Variants in TRAPPC2 observed in about 807,000 individuals in gnomAD.
TRAPPC2 encodes the protein sedlin.
A neutral mutation model predicts 10.0 loss-of-function variants in TRAPPC2; 4 were observed. The observed-to-expected ratio is 0.40, with a 90% CI of 0.20 to 0.92. The LOEUF is 0.92. Ranked by LOEUF, TRAPPC2 falls within the 40% of genes least tolerant of loss-of-function variation. TRAPPC2 has a pLI of 0.35. For missense variants in TRAPPC2, 52 were observed against 108.7 expected (o/e 0.48, Z 2.32); for synonymous variants, 36 against 37.3 (o/e 0.97, Z 0.12).
At chrX:13,722,532 C>T (rs969236714) in intron 2 of TRAPPC2, among the ~76,000 whole-genome samples, 1 of 111,689 alleles carries the variant, frequency 9.0e-6, no homozygotes, top group Non-Finnish European at 1.9e-5. Context: ...GCTTTTCATT[C>T]AGTTCTGCCA....
Position 13,713,058 on chromosome X carries a change from A to G in TRAPPC2, c.*1349T>C, listed in dbSNP as rs1046405564. 1.9e-5 allele frequency: 2 copies of G among 103,356 alleles called. No individual in the cohort carries two copies. The highest frequency in any genetic ancestry group is 7.2e-5 in the African/African-American group (2 of 27,758). 8.5% of individuals were successfully genotyped at this position (103,356 alleles called of 1,213,427 possible). ...AGGAGGCAGAGGTTACGGTGAAACAACTGCCATTGCACTCCAGCCTGGACA... is the reference window on the plus strand; with the variant it reads ...AGGAGGCAGAGGTTACGGTGAAACAGCTGCCATTGCACTCCAGCCTGGACA... On this transcript the variant is annotated 3_prime_UTR_variant, in exon 6 of 6. Coordinates refer to ENST00000380579, the MANE Select transcript of TRAPPC2 (RefSeq NM_001011658.4).
chrX:13,728,339 C>G lies in TRAPPC2; in HGVS notation c.-20+5705G>C, dbSNP rs773744741. On this transcript the variant is annotated intron_variant, in intron 2 of 5. Transcript: ENST00000380579. ...CCAATATCCCCGATGAACATTGATG[C>G]GAAAATCCTCAATAAAATACTGGCA... 8.0e-4 allele frequency among the ~76,000 whole-genome samples: 89 copies of G among 111,744 alleles called. No individual in the cohort carries two copies. The South Asian group carries it at 0.031, about 39-fold the overall frequency.
Position 13,716,564 on chromosome X carries a change from A to G in TRAPPC2, c.208T>C (p.Trp70Arg). 1 of 1,211,445 alleles carries G rather than the reference A, an allele frequency of 8.3e-7. No homozygotes were observed. The highest frequency in any genetic ancestry group is 1.1e-6 in the Non-Finnish European group (1 of 895,352). The change falls in exon 4 of 6, where the codon TGG becomes CGG. Residue 70 changes from tryptophan (W) to arginine (R), a missense_variant. Trp to Arg is a moderately radical substitution (Grantham distance 101, BLOSUM62 -3). Coordinates refer to ENST00000380579, the MANE Select transcript of TRAPPC2 (RefSeq NM_001011658.4). ...YLKTVDKFNEWFVSAFVTAGH... is the reference protein window; with the variant it reads ...YLKTVDKFNERFVSAFVTAGH... ...GCAGTGACAAATGCCGACACAAACC[A>G]CTCGTTGAACTTGTCCACAGTTTTC... is the stretch of plus-strand genomic sequence containing the variant.
Position 13,713,908 on chromosome X carries a change from G to A in TRAPPC2, c.*499C>T, listed in dbSNP as rs1340986607. The A allele has an allele frequency of 9.2e-6, 1 of 108,949 alleles. No homozygotes were observed. Among genetic ancestry groups the A allele is most frequent in the East Asian group, 2.9e-4 (1 of 3,443 alleles). 9.0% of individuals were successfully genotyped at this position (108,949 alleles called of 1,213,427 possible). The stretch of plus-strand genomic sequence containing the variant: ...CGCCTGTAATCCCAGTACTTTGGGA[G>A]GCCAAGGCGGGCAGATCACGAGGTC... On this transcript the variant is annotated 3_prime_UTR_variant, in exon 6 of 6. Coordinates refer to ENST00000380579, the MANE Select transcript of TRAPPC2 (RefSeq NM_001011658.4).
At chrX:13,732,647 G>A (rs760212091) in intron 2 of TRAPPC2, among the ~76,000 whole-genome samples, 6 of 112,832 alleles carry the variant, frequency 5.3e-5, no homozygotes, top group Admixed American at 2.8e-4. Context: ...CCGTTCCATA[G>A]GCCAAGCCCA....
rs145648593 is a variant in TRAPPC2 at position 13,733,477 on chromosome X, C to T, written c.-20+567G>A. Among the ~76,000 whole-genome samples, 725 of 111,958 alleles carry T rather than the reference C, an allele frequency of 6.5e-3. 3 individuals are homozygous for T. Among genetic ancestry groups the T allele is most frequent in the African/African-American group, 0.023 (694 of 30,792 alleles). On this transcript the variant is annotated intron_variant, in intron 2 of 5. Transcript: ENST00000380579. Reference sequence around the variant, plus strand: ...CAACCACTACCCATCCTTTAAAATCCAACTAAGCCTCTCCTCCTTTTCCAT... The same window carrying T: ...CAACCACTACCCATCCTTTAAAATCTAACTAAGCCTCTCCTCCTTTTCCAT...
At chrX:13,734,251 G>C (rs1444065062) in intron 1 of TRAPPC2, 66 bp from the exon 2 acceptor site, 1 of 387,889 alleles carries the variant, frequency 2.6e-6, no homozygotes, top group African/African-American at 2.6e-5. Context: ...CCAAAACAAA[G>C]AATCTTCCGG....
chrX:13,725,247 G>C (rs1292763969), intron 2 of TRAPPC2, among the ~76,000 whole-genome samples: 1 of 112,988 alleles, frequency 8.9e-6, no homozygotes, highest in Non-Finnish European at 1.9e-5. Context: ...GAGAGCAGTG[G>C]CTCCCCCAAC....
At chrX:13,714,956 G>A (rs2046263176) in intron 5 of TRAPPC2, among the ~76,000 whole-genome samples, 1 of 112,168 alleles carries the variant, frequency 8.9e-6, no homozygotes, top group South Asian at 3.7e-4. Context: ...TAAATGATCA[G>A]CTTCTCAAAT....
At chrX:13,726,085 G>A (rs1237963953) in intron 2 of TRAPPC2, among the ~76,000 whole-genome samples, 6 of 112,182 alleles carry the variant, frequency 5.3e-5, no homozygotes, top group Non-Finnish European at 7.5e-5. Flanking sequence ...AACGAACAAA[G>A]CCTCCAAGAA....
chrX:13,730,581 G>T (rs1026249808), intron 2 of TRAPPC2, among the ~76,000 whole-genome samples: 1 of 111,527 alleles, frequency 9.0e-6, no homozygotes, highest in African/African-American at 3.3e-5. Flanking sequence ...ATACCCAAAG[G>T]ATTACAAATC....
intron 2 of TRAPPC2, among the ~76,000 whole-genome samples, chrX:13,728,118 A>G (rs2046593552): frequency 8.9e-6 from 1 of 111,834 alleles, no homozygotes; most frequent in African/African-American, 3.3e-5. Context: ...ATAGCTTACC[A>G]ACCAAAAAAA....
chrX:13,722,302 C>T (rs1333444865), intron 2 of TRAPPC2: 1 of 106,801 alleles, frequency 9.4e-6, no homozygotes, highest in African/African-American at 3.4e-5. Flanking sequence ...CATCCCCACA[C>T]TCACCCCTAT....
rs1281993229 is a variant in TRAPPC2, at chrX:13,734,577, C to T, written c.-214G>A. ...GCAATGTCAGTTTCCGCGGAAGAGACCCGCGCCCCGAACCTGTAGCCAGAA... is the reference window on the plus strand; with the variant it reads ...GCAATGTCAGTTTCCGCGGAAGAGATCCGCGCCCCGAACCTGTAGCCAGAA... On this transcript the variant is annotated 5_prime_UTR_variant, in exon 1 of 6. Transcript: ENST00000380579. 1.2e-5 allele frequency: 7 copies of T among 561,180 alleles called. No individual in the cohort carries two copies. The highest frequency in any genetic ancestry group is 1.6e-5 in the Non-Finnish European group (7 of 437,736). 46.2% of individuals were successfully genotyped at this position (561,180 alleles called of 1,213,427 possible). A position where few individuals can be genotyped will look rare whatever the true frequency, so the allele number is the denominator to read the frequency against.
rs1325848907 is a variant in TRAPPC2, at chrX:13,734,037, G to A, written c.-20+7C>T. The A allele has an allele frequency of 1.4e-5, 7 of 514,859 alleles. No homozygotes were observed. The highest frequency in any genetic ancestry group is 3.1e-4 in the Middle Eastern group (1 of 3,202). The allele number at this position is 514,859 out of a possible 1,213,427, so 42.4% of individuals were successfully genotyped here. A position where few individuals can be genotyped will look rare whatever the true frequency, so the allele number is the denominator to read the frequency against. The stretch of plus-strand genomic sequence containing the variant: ...ATTACATTTAAGCATCATGAGGACT[G>A]GCTCACCTTTACCTCACAGCACACA... On this transcript the variant is annotated splice_region_variant and intron_variant, in intron 2 of 5. Coordinates refer to ENST00000380579, the MANE Select transcript of TRAPPC2 (RefSeq NM_001011658.4).
chrX:13,722,755 G>A (rs140444655), intron 2 of TRAPPC2, among the ~76,000 whole-genome samples: 320 of 112,192 alleles, frequency 2.9e-3, no homozygotes, highest in African/African-American at 9.5e-3. Context: ...ATGTGAGCTA[G>A]TGTGCATTAG....
chrX:13,726,665 A>G (rs1400286261), intron 2 of TRAPPC2, among the ~76,000 whole-genome samples: 2 of 112,119 alleles, frequency 1.8e-5, no homozygotes, highest in African/African-American at 3.2e-5. Context: ...CAAATTGTAA[A>G]AGACCATTGA....
rs950578496 is a variant in TRAPPC2, at chrX:13,734,073, CT to C, written c.-50del. 3.9e-6 allele frequency: 2 copies of C among 513,044 alleles called. No homozygotes were observed. The highest frequency in any genetic ancestry group is 7.0e-6 in the Non-Finnish European group (2 of 286,509). 42.3% of individuals were successfully genotyped at this position (513,044 alleles called of 1,213,427 possible). On this transcript the variant is annotated 5_prime_UTR_variant, in exon 2 of 6. An upstream open reading frame in the 5' UTR gains an earlier in-frame stop. Coordinates refer to ENST00000380579, the MANE Select transcript of TRAPPC2 (RefSeq NM_001011658.4). The stretch of plus-strand genomic sequence containing the variant: ...ACCTCACAGCACACAATGGTTGGTA[CT>C]CTAAAACGTTTAGCTCTGTGGATCT...
intron 5 of TRAPPC2, among the ~76,000 whole-genome samples, chrX:13,714,860 T>C (rs2046261945): frequency 8.9e-6 from 1 of 112,260 alleles, no homozygotes; most frequent in Admixed American, 9.4e-5. Flanking sequence ...AAATCTGCCA[T>C]GTGCTCAGAG....
Sources: allele counts gnomAD v4.1 joint callset (sites outside exome capture counted in the v4.1 genomes callset), GRCh38; gene constraint gnomAD v4.1.1; transcripts MANE v1.5; gene names NCBI Gene and HGNC (gene_info 2026-07-23, HGNC 2026-07-21).